CRTAC1: variants seen among roughly 807,000 people sequenced by gnomAD.
The protein encoded by CRTAC1 is acidic secreted protein in cartilage.
Under a neutral mutation model 67.8 loss-of-function variants are expected in CRTAC1, and 37 were observed. That is an observed-to-expected ratio of 0.55 (90% CI 0.42 to 0.72). The LOEUF (loss-of-function observed/expected upper bound fraction) is 0.72. Among genes scored for constraint, CRTAC1 ranks in the 30% least tolerant of loss-of-function variants. CRTAC1 has a pLI of 0.00. For synonymous variants in CRTAC1, 348 were observed against 371.0 expected (o/e 0.94, Z 0.71); for missense variants, 780 against 931.6 (o/e 0.84, Z 2.12).
chr10:97,878,053 G>A (rs1259295322), intron 14 of CRTAC1, among the ~76,000 whole-genome samples: 6 of 152,166 alleles, frequency 3.9e-5, no homozygotes, highest in Non-Finnish European at 8.8e-5. Context: ...TTAAAAGGCA[G>A]CAGCTTCCAG....
At position 97,975,584 on chromosome 10, in the gene CRTAC1, C is replaced by A. The variant is rs1322570490; in HGVS notation, c.224+35554G>T. Among the ~76,000 whole-genome samples the A allele has an allele frequency of 6.6e-6, 1 of 152,166 alleles. No individual in the cohort carries two copies. Among genetic ancestry groups the A allele is most frequent in the Admixed American group, 6.5e-5 (1 of 15,288 alleles). ...ACCTTTTCCTAAAGGACGTGGGGCA[C>A]CATTTCTGTTACAACTGGCAGCCAG... On this transcript the variant is annotated intron_variant, in intron 2 of 14. Transcript: ENST00000370597. The surrounding 1 kb of genome is among the most constrained non-coding windows in gnomAD (Gnocchi z 4.8).
intron 2 of CRTAC1, among the ~76,000 whole-genome samples, chr10:97,964,122 T>G (rs552368610): frequency 6.6e-6 from 1 of 152,242 alleles, no homozygotes; most frequent in African/African-American, 2.4e-5. Context: ...CTGAAACCAC[T>G]CTGATCCTCA....
chr10:97,957,524 C>T (rs1203976082), intron 2 of CRTAC1, among the ~76,000 whole-genome samples: 1 of 152,100 alleles, frequency 6.6e-6, no homozygotes, highest in African/African-American at 2.4e-5. Flanking sequence ...ATGAGAAAAC[C>T]AAGGCTCAGC....
At chr10:97,987,849 G>C (rs2052008456) in intron 2 of CRTAC1, among the ~76,000 whole-genome samples, 1 of 152,122 alleles carries the variant, frequency 6.6e-6, no homozygotes, top group African/African-American at 2.4e-5. Flanking sequence ...TTGGATCTAG[G>C]AACAGACCCC....
chr10:97,901,586 G>T lies in CRTAC1; in HGVS notation c.1050C>A (p.Thr350=), dbSNP rs141725812. The change falls in exon 8 of 15, where the codon ACC becomes ACA. Residue 350 remains threonine (T), a synonymous_variant. Coordinates refer to ENST00000370597, the MANE Select transcript of CRTAC1 (RefSeq NM_018058.7). ...SMPSPVRTVI[T]ADFDNDQELE... is the part of the protein sequence containing the mutation. ...GCTCCTGGTCATTGTCAAAGTCGGC[G>T]GTGATGACCGTGCGGACAGGGGAGG... 1.3e-5 allele frequency: 21 copies of T among 1,614,088 alleles called. No individual in the cohort carries two copies. In the Admixed American group the frequency reaches 3.3e-4, roughly 26 times the overall value.
chr10:97,945,193 G>T (rs1235544781), intron 2 of CRTAC1, among the ~76,000 whole-genome samples: 1 of 152,136 alleles, frequency 6.6e-6, no homozygotes, highest in Admixed American at 6.5e-5. Context: ...TTCACAGTAG[G>T]CAGGTCTCCC....
At chr10:97,999,924 C>T (rs1195047600) in intron 2 of CRTAC1, among the ~76,000 whole-genome samples, 1 of 152,160 alleles carries the variant, frequency 6.6e-6, no homozygotes, top group African/African-American at 2.4e-5. Flanking sequence ...GAGAAGCCAC[C>T]CACTCTAGGG....
intron 2 of CRTAC1, among the ~76,000 whole-genome samples, chr10:97,937,191 C>G (rs1196233525): frequency 6.6e-6 from 1 of 152,220 alleles, no homozygotes; most frequent in Non-Finnish European, 1.5e-5. Flanking sequence ...CTCCTCGCTG[C>G]ACTGAAGCCC....
At chr10:97,900,858 C>T (rs113648669) in intron 8 of CRTAC1, among the ~76,000 whole-genome samples, 1 of 93,266 alleles carries the variant, frequency 1.1e-5, no homozygotes, top group Non-Finnish European at 2.1e-5. Context: ...AGTGATTGGA[C>T]CCCGTAGCCC....
chr10:98,011,389 C>T (rs1842905979), intron 1 of CRTAC1, 52 bp from the exon 2 acceptor site: 1 of 1,606,564 alleles, frequency 6.2e-7, no homozygotes, highest in Non-Finnish European at 8.5e-7. Context: ...CCAAAGCAAT[C>T]CCGGAACATT....
rs748054409 is a variant in CRTAC1 at position 97,880,386 on chromosome 10, T to C, written c.1682A>G (p.Asn561Ser). 16 of 1,613,348 alleles carry C rather than the reference T, an allele frequency of 9.9e-6. No individual in the cohort carries two copies. Among genetic ancestry groups the C allele is most frequent in the African/African-American group, 9.3e-5 (7 of 74,924 alleles). Residue 561 changes from asparagine (N) to serine (S), a missense_variant, in exon 14 of 15, where the codon AAT becomes AGT. Transcript: ENST00000370597. Reference protein sequence around the residue: ...QQENGHCMDTNECIQFPFVCP... With the variant: ...QQENGHCMDTSECIQFPFVCP... ...CACGAATGGGAACTGGATGCATTCATTGGTGTCTGCAAGGCGAGGGGAACC... is the reference window on the plus strand; with the variant it reads ...CACGAATGGGAACTGGATGCATTCACTGGTGTCTGCAAGGCGAGGGGAACC...
intron 4 of CRTAC1, among the ~76,000 whole-genome samples, chr10:97,921,431 T>C (rs547734464): frequency 5.9e-5 from 9 of 152,332 alleles, no homozygotes; most frequent in Non-Finnish European, 8.8e-5. Context: ...ATTCCTGGCT[T>C]TGCCTGTTGC....
intron 2 of CRTAC1, among the ~76,000 whole-genome samples, chr10:97,958,441 T>C (rs946720563): frequency 6.6e-6 from 1 of 152,218 alleles, no homozygotes; most frequent in Non-Finnish European, 1.5e-5. Flanking sequence ...GCCATACTTG[T>C]AGAGCTAGTG....
At chr10:98,016,667 T>C (rs1040386305) in intron 1 of CRTAC1, among the ~76,000 whole-genome samples, 1 of 152,142 alleles carries the variant, frequency 6.6e-6, no homozygotes, top group African/African-American at 2.4e-5. Flanking sequence ...TGAACTGGTC[T>C]GAGGTGGGAG....
intron 2 of CRTAC1, among the ~76,000 whole-genome samples, chr10:97,966,063 T>C (rs2051610474): frequency 6.6e-6 from 1 of 152,218 alleles, no homozygotes; most frequent in African/African-American, 2.4e-5. Context: ...CCAAGGCCAC[T>C]ACATAGGTAG....
intron 11 of CRTAC1, among the ~76,000 whole-genome samples, chr10:97,894,291 T>C (rs2050419056): frequency 6.6e-6 from 1 of 152,194 alleles, no homozygotes; most frequent in African/African-American, 2.4e-5. Context: ...CAGCACTTGG[T>C]ATTGTTGCTA....
At chr10:98,014,257 T>C (rs2136697970) in intron 1 of CRTAC1, among the ~76,000 whole-genome samples, 1 of 152,318 alleles carries the variant, frequency 6.6e-6, no homozygotes, top group Admixed American at 6.5e-5. Flanking sequence ...GAATCTTGGA[T>C]CCCACTCCAG....
intron 2 of CRTAC1, among the ~76,000 whole-genome samples, chr10:97,946,864 C>T (rs1034785994): frequency 1.3e-5 from 2 of 152,132 alleles, no homozygotes; most frequent in Admixed American, 6.5e-5. Flanking sequence ...ACTAGGTTCT[C>T]GAAACGGTCT....
At chr10:97,956,274 T>G (rs915685180) in intron 2 of CRTAC1, among the ~76,000 whole-genome samples, 1 of 152,258 alleles carries the variant, frequency 6.6e-6, no homozygotes, top group African/African-American at 2.4e-5. Flanking sequence ...GCACTTTATA[T>G]GCATGTTCTC....
Sources: gnomAD v4.1 joint callset for allele counts (sites outside exome capture counted in the v4.1 genomes callset) on GRCh38, gnomAD v4.1.1 for gene constraint, Gnocchi (gnomAD v3.1) non-coding constraint, MANE v1.5 for transcripts, NCBI Gene and HGNC (gene_info 2026-07-23, HGNC 2026-07-21) for gene names.